CNTLN: variants seen among roughly 807,000 people sequenced by gnomAD.
CNTLN encodes the protein centlein, centrosomal protein.
CNTLN carries 212 observed loss-of-function variants against 180.0 expected under a neutral mutation model. The observed-to-expected ratio is 1.18, with a 90% CI of 1.05 to 1.32. The LOEUF is 1.32. Among genes scored for constraint, CNTLN ranks in the 40% most tolerant of loss-of-function variants. The pLI is 0.00. For missense variants in CNTLN, 2,095 were observed against 1,610.9 expected, an observed-to-expected ratio of 1.30 and a Z score of -5.14; for synonymous variants, 722 against 563.1, an observed-to-expected ratio of 1.28 and a Z score of -3.99.
intron 6 of CNTLN, among the ~76,000 whole-genome samples, chr9:17,279,635 T>G (rs1380000937): frequency 6.6e-6 from 1 of 152,058 alleles, no homozygotes; most frequent in African/African-American, 2.4e-5. Context: ...GGTTTTTTTT[T>G]TTTTCCTGCA....
chr9:17,294,892 T>TGGGGAGTGGGGGGAGGGCGGG (rs1419751749), intron 6 of CNTLN, among the ~76,000 whole-genome samples: 4 of 6,232 alleles, frequency 6.4e-4, no homozygotes, highest in African/African-American at 1.9e-3. Context: ...GAGGGGGGAG[T>TGGGGAGTGGGGGGAGGGCGGG]GGGGAGTGGG....
At chr9:17,474,290 C>G (rs1297719382) in intron 23 of CNTLN, among the ~76,000 whole-genome samples, 1 of 152,162 alleles carries the variant, frequency 6.6e-6, no homozygotes, top group East Asian at 1.9e-4. Context: ...TATTTTGCTT[C>G]TCCTAGCTTT....
At chr9:17,353,968 C>T (rs888119879) in intron 12 of CNTLN, among the ~76,000 whole-genome samples, 5 of 152,156 alleles carry the variant, frequency 3.3e-5, no homozygotes, top group Admixed American at 6.5e-5. Flanking sequence ...GGGCTGTGTG[C>T]GGTGCTTGTT....
chr9:17,230,063 C>T (rs77966220), intron 3 of CNTLN, among the ~76,000 whole-genome samples: 3,353 of 152,276 alleles, frequency 0.022, 123 homozygotes, highest in African/African-American at 0.076. Context: ...TCATAGAGCT[C>T]TGCTCCGCAG....
chr9:17,214,343 G>A (rs1031810052), intron 2 of CNTLN, among the ~76,000 whole-genome samples: 6 of 152,118 alleles, frequency 3.9e-5, no homozygotes, highest in South Asian at 2.1e-4. Context: ...TGAAATTCTG[G>A]GTTGAAAATT....
chr9:17,219,146 G>T (rs757518014), intron 2 of CNTLN, among the ~76,000 whole-genome samples: 22 of 151,726 alleles, frequency 1.4e-4, no homozygotes, highest in Admixed American at 8.5e-4. Flanking sequence ...AATATTCTTC[G>T]CTCACATCAT....
chr9:17,147,984 T>C (rs1818573250), intron 2 of CNTLN, among the ~76,000 whole-genome samples: 2 of 152,180 alleles, frequency 1.3e-5, no homozygotes, highest in Admixed American at 1.3e-4. Flanking sequence ...CTACTATACT[T>C]CATATGCCAG....
At chr9:17,389,765 A>G (rs908553558) in intron 14 of CNTLN, among the ~76,000 whole-genome samples, 13 of 152,140 alleles carry the variant, frequency 8.5e-5, no homozygotes, top group Non-Finnish European at 1.8e-4. Flanking sequence ...TGAAAATAAT[A>G]TATTAACATT....
rs149762004 is a variant in CNTLN at position 17,211,432 on chromosome 9, G to A, written c.450-14771G>A. On this transcript the variant is annotated intron_variant, in intron 2 of 25. Transcript: ENST00000380647. ...TGGTGATATCTCTGTTTTGGTACCAGTACCATGCTGTTTTGGTTACTGTAG... is the reference window on the plus strand; with the variant it reads ...TGGTGATATCTCTGTTTTGGTACCAATACCATGCTGTTTTGGTTACTGTAG... Among the ~76,000 whole-genome samples the A allele has an allele frequency of 4.6e-5, 7 of 152,256 alleles. No individual in the cohort carries two copies. The East Asian group carries it at 1.4e-3, about 29-fold the overall frequency.
chr9:17,307,002 C>T (rs1313381311), intron 7 of CNTLN, among the ~76,000 whole-genome samples: 3 of 152,110 alleles, frequency 2.0e-5, no homozygotes, highest in African/African-American at 7.2e-5. Flanking sequence ...CAGCACAGTA[C>T]AAGTAGGCAC....
chr9:17,314,471 C>G (rs760745603), intron 8 of CNTLN, among the ~76,000 whole-genome samples: 3 of 152,154 alleles, frequency 2.0e-5, no homozygotes, highest in Admixed American at 6.5e-5. Context: ...CAGTGAATTG[C>G]TTTTCGGTTA....
intron 2 of CNTLN, 142 bp downstream of exon 2, chr9:17,143,518 TG>T: frequency 1.6e-6 from 1 of 641,376 alleles, no homozygotes; most frequent in Non-Finnish European, 2.6e-6. Context: ...ATTAAATTGT[TG>T]GATTTATTAT....
intron 2 of CNTLN, among the ~76,000 whole-genome samples, chr9:17,172,532 T>G (rs986298114): frequency 6.6e-6 from 1 of 152,196 alleles, no homozygotes; most frequent in African/African-American, 2.4e-5. Context: ...TTTCTAGTTA[T>G]TTTTAGGGGA....
intron 2 of CNTLN, among the ~76,000 whole-genome samples, chr9:17,200,214 C>T (rs1052634008): frequency 2.0e-5 from 3 of 152,172 alleles, no homozygotes; most frequent in South Asian, 2.1e-4. Context: ...TTTTGGTACC[C>T]GTACCATGCT....
intron 1 of CNTLN, among the ~76,000 whole-genome samples, chr9:17,141,804 C>T (rs1364949354): frequency 2.0e-5 from 3 of 152,072 alleles, no homozygotes; most frequent in African/African-American, 7.2e-5. Context: ...CCAAGATTGG[C>T]TGGGCACGGT....
chr9:17,340,795 C>T, intron 10 of CNTLN, 32 bp from the exon 11 acceptor site: 2 of 1,574,584 alleles, frequency 1.3e-6, no homozygotes. Flanking sequence ...TTTCTTCAAA[C>T]TTATATATAC....
chr9:17,312,369 T>TATA (rs1819234520), intron 8 of CNTLN, among the ~76,000 whole-genome samples: 1 of 34,408 alleles, frequency 2.9e-5, no homozygotes, highest in Non-Finnish European at 7.2e-5. Flanking sequence ...ATATATTATA[T>TATA]ATATATATAT....
At chr9:17,186,218 C>G (rs1821427935) in intron 2 of CNTLN, among the ~76,000 whole-genome samples, 1 of 152,130 alleles carries the variant, frequency 6.6e-6, no homozygotes, top group Admixed American at 6.5e-5. Flanking sequence ...GAGATGAATT[C>G]CTTGAAAAGG....
intron 2 of CNTLN, among the ~76,000 whole-genome samples, chr9:17,200,130 C>G (rs1165964913): frequency 6.6e-6 from 1 of 152,106 alleles, no homozygotes; most frequent in Non-Finnish European, 1.5e-5. Context: ...TCAGGTTTGG[C>G]AAAGATCAGA....
Sources: gnomAD v4.1 joint callset for allele counts (sites outside exome capture counted in the v4.1 genomes callset) on GRCh38, gnomAD v4.1.1 for gene constraint, MANE v1.5 for transcripts, NCBI Gene and HGNC (gene_info 2026-07-23, HGNC 2026-07-21) for gene names.